The following BAHCC1 variants were observed in gnomAD, a reference collection of about 807,000 sequenced individuals.
BAHCC1 encodes BAH domain and coiled-coil containing 1, also known as BAH and coiled-coil domain-containing protein 1.
BAHCC1 carries 43 observed loss-of-function variants against 88.2 expected under a neutral mutation model. The observed-to-expected ratio is 0.49, with a 90% CI of 0.38 to 0.63. The LOEUF (loss-of-function observed/expected upper bound fraction) is 0.63, where lower values mean the gene tolerates loss of function less well. Among genes scored for constraint, BAHCC1 ranks in the 20% least tolerant of loss-of-function variants. The probability of loss-of-function intolerance (pLI) is 0.00; values close to 1 mark genes in which losing one functional copy is unlikely to be tolerated. For synonymous variants in BAHCC1, 1,510 were observed against 745.5 expected (o/e 2.03, Z -16.71); for missense variants, 3,023 against 1,654.8 (o/e 1.83, Z -14.34).
chr17:81,447,782 A>C lies in BAHCC1; in HGVS notation c.3910A>C (p.Ile1304Leu). 1 of 751,752 alleles carries C rather than the reference A, an allele frequency of 1.3e-6. No homozygotes were observed. The highest frequency in any genetic ancestry group is 1.4e-5 in the South Asian group (1 of 70,538). The allele number at this position is 751,752 out of a possible 1,614,324, so 46.6% of individuals were successfully genotyped here. The change falls in exon 11 of 28, where the codon ATC (isoleucine) becomes CTC (leucine). Residue 1304 changes from isoleucine to leucine, a missense_variant. Physicochemically the swap from Ile to Leu is conservative, Grantham distance 5. Coordinates refer to ENST00000675386, the MANE Select transcript of BAHCC1 (RefSeq NM_001377448.1). ...PLPHSSGIHG[I>L]ALLSELADLA... is the part of the protein sequence containing the mutation. ...GCCTCATAGCTCAGGGATTCATGGG[A>C]TCGCTCTGCTCAGCGAGCTGGCTGA...
rs373538453 is a variant in BAHCC1 at position 81,442,480 on chromosome 17, C to T, written c.1131C>T (p.Cys377=). The T allele has an allele frequency of 4.1e-4, 298 of 724,318 alleles. No individual in the cohort carries two copies. The African/African-American group carries it at 4.7e-3, about 11-fold the overall frequency. 44.9% of individuals were successfully genotyped at this position (724,318 alleles called of 1,614,324 possible). Residue 377 remains cysteine (C), a synonymous_variant, in exon 5 of 28, where the codon TGC becomes TGT. Transcript: ENST00000675386. ...LQLHGGPDGL[C]PLQDKAPRDL... ...TGCACGGGGGCCCTGACGGGCTCTG[C>T]CCGCTGCAGGACAAAGCCCCCCGGG... is the stretch of plus-strand genomic sequence containing the variant.
Position 81,464,286 on chromosome 17 carries a change from G to A in BAHCC1, c.*469G>A. The A allele has an allele frequency of 4.0e-6, 1 of 250,304 alleles. No individual in the cohort carries two copies. Among genetic ancestry groups the A allele is most frequent in the Non-Finnish European group, 7.9e-6 (1 of 126,318 alleles). The allele number at this position is 250,304 out of a possible 1,614,324, so 15.5% of individuals were successfully genotyped here. A position where few individuals can be genotyped will look rare whatever the true frequency, so the allele number is the denominator to read the frequency against. ...TCCCCATCCGCGTGACAAGGTGTGTGTGAGCGTGTATGTGTGTGCGCGTGT... is the reference window on the plus strand; with the variant it reads ...TCCCCATCCGCGTGACAAGGTGTGTATGAGCGTGTATGTGTGTGCGCGTGT... On this transcript the variant is annotated 3_prime_UTR_variant, in exon 28 of 28. Transcript: ENST00000675386.
At chr17:81,457,259 C>T (rs1298560109) in intron 16 of BAHCC1, 151 bp from the exon 17 acceptor site, 7 of 606,228 alleles carry the variant, frequency 1.2e-5, no homozygotes, top group African/African-American at 7.4e-5. Context: ...CACCTGCCCC[C>T]AAAGCAGCCC....
chr17:81,457,065 G>T (rs565995401), intron 16 of BAHCC1, among the ~76,000 whole-genome samples: 1 of 152,096 alleles, frequency 6.6e-6, no homozygotes, highest in African/African-American at 2.4e-5. Context: ...AGGGAGGGCC[G>T]CTTGGGGCTG....
chr17:81,436,319 C>G (rs1555651737), intron 3 of BAHCC1, among the ~76,000 whole-genome samples: 4 of 152,200 alleles, frequency 2.6e-5, no homozygotes, highest in African/African-American at 9.6e-5. Context: ...CCGCAGCTGC[C>G]CCCAGAGGGG....
At position 81,399,885 on chromosome 17, in the gene BAHCC1, T is replaced by C; in HGVS notation, c.146T>C (p.Phe49Ser). ...GCACACTTCCAGCCGGGAAAGTACT[T>C]CCCGTCGCCGTTGCCCATGGCTTCG... The part of the protein sequence containing the change: ...PPAHFQPGKY[F>S]PSPLPMASHT... Residue 49 changes from phenylalanine (F) to serine (S), a missense_variant, in exon 2 of 28, where the codon TTC becomes TCC. Phe to Ser is a radical substitution (Grantham distance 155). Transcript: ENST00000675386. This position sits in a 1 kb window ranked among gnomAD's most constrained non-coding sequence, Gnocchi z 4.5. 6.9e-7 allele frequency: 1 copy of C among 1,450,286 alleles called. No individual in the cohort carries two copies. The highest frequency in any genetic ancestry group is 9.1e-7 in the Non-Finnish European group (1 of 1,099,356). The allele number at this position is 1,450,286 out of a possible 1,614,324, so 89.8% of individuals were successfully genotyped here.
rs782448715 is a variant in BAHCC1 at position 81,399,287 on chromosome 17, C to T, written c.-206-247C>T. ...AGGCGGCGAGCAGTGCGGCTGGGTT[C>T]CCCCGGCTGCCCCGGGCCAAGCGTG... is the stretch of plus-strand genomic sequence containing the variant. On this transcript the variant is annotated intron_variant, in intron 1 of 27. Transcript: ENST00000675386. The surrounding 1 kb of genome is among the most constrained non-coding windows in gnomAD (Gnocchi z 4.5). 6 of 326,788 alleles carry T rather than the reference C, an allele frequency of 1.8e-5. No homozygotes were observed. The highest frequency in any genetic ancestry group is 1.2e-5 in the Non-Finnish European group (2 of 160,044). The allele number at this position is 326,788 out of a possible 1,614,324, so 20.2% of individuals were successfully genotyped here.
chr17:81,460,729 A>G (rs372053160), intron 25 of BAHCC1, 23 bp downstream of exon 25: 8 of 776,040 alleles, frequency 1.0e-5, no homozygotes, highest in Admixed American at 1.7e-5. Flanking sequence ...ACTTCCCAGA[A>G]TCCGGATCGG....
At chr17:81,433,296 G>A (rs928502256) in intron 3 of BAHCC1, among the ~76,000 whole-genome samples, 1 of 152,178 alleles carries the variant, frequency 6.6e-6, no homozygotes, top group South Asian at 2.1e-4. Context: ...CTGGGGTGAG[G>A]GGCCGTGTGT....
At chr17:81,401,210 G>T (rs1336101261) in intron 2 of BAHCC1, 2 of 152,568 alleles carry the variant, frequency 1.3e-5, no homozygotes, top group African/African-American at 4.8e-5. Context: ...AAACAAACTT[G>T]AAATTGCTTA....
In BAHCC1 at chr17:81,465,809, C is replaced by T. The variant is rs1396744377; in HGVS notation, c.*1992C>T. 1.3e-5 allele frequency: 2 copies of T among 152,390 alleles called. No homozygotes were observed. Among genetic ancestry groups the T allele is most frequent in the Non-Finnish European group, 2.9e-5 (2 of 68,034 alleles). The allele number at this position is 152,390 out of a possible 1,614,324, so 9.4% of individuals were successfully genotyped here. On this transcript the variant is annotated 3_prime_UTR_variant, in exon 28 of 28. Transcript: ENST00000675386. ...TCGGGGGTCCCCGCCTCCAGCCCCC[C>T]GCTCCCACCCCCGAGCCTACCCTTT...
rs539273071 is a variant in BAHCC1, at chr17:81,399,811, C to T, written c.72C>T (p.Ala24=). 1.9e-3 allele frequency: 2,540 copies of T among 1,314,362 alleles called. 43 individuals carry two copies. The African/African-American group carries it at 0.036, about 19-fold the overall frequency. 81.4% of individuals were successfully genotyped at this position (1,314,362 alleles called of 1,614,324 possible). The stretch of plus-strand genomic sequence containing the variant: ...GCGGGAGCCTGGGCCACCGCAGCGC[C>T]GCTGCCGCCGCGCGTCTCGCCCCGG... ...SERGSLGHRS[A]AAAARLAPAG... is the part of the protein sequence containing the mutation. The change falls in exon 2 of 28, where the codon GCC becomes GCT. Residue 24 remains alanine (A), a synonymous_variant. Coordinates refer to ENST00000675386, the MANE Select transcript of BAHCC1 (RefSeq NM_001377448.1). The surrounding 1 kb of genome is among the most constrained non-coding windows in gnomAD (Gnocchi z 4.5).
chr17:81,425,872 ATGTGG>A (rs1407355992), intron 2 of BAHCC1, among the ~76,000 whole-genome samples: 1 of 114,898 alleles, frequency 8.7e-6, no homozygotes, highest in Admixed American at 8.9e-5. Context: ...GTGGTGGGTG[ATGTGG>A]TTGGTGGTGA....
Position 81,413,493 on chromosome 17 carries a change from C to T in BAHCC1, c.179-13307C>T, listed in dbSNP as rs543943605. Among the ~76,000 whole-genome samples the T allele has an allele frequency of 6.8e-3, 1,035 of 152,298 alleles. 7 individuals are homozygous for T. The highest frequency in any genetic ancestry group is 0.012 in the Non-Finnish European group (845 of 68,000). On this transcript the variant is annotated intron_variant, in intron 2 of 27. Transcript: ENST00000675386. ...CGCCTCCACTCTGGGCTGTCCCCTC[C>T]GCAGCAGCGGGCCCCTGGATACCCG... is the stretch of plus-strand genomic sequence containing the variant.
At chr17:81,429,766 C>A (rs2064239312) in intron 3 of BAHCC1, among the ~76,000 whole-genome samples, 1 of 152,184 alleles carries the variant, frequency 6.6e-6, no homozygotes, top group Non-Finnish European at 1.5e-5. Flanking sequence ...CTCCCCAGCC[C>A]AGGGCTTTCG....
chr17:81,427,047 A>C, intron 3 of BAHCC1, 68 bp downstream of exon 3: 1 of 398,414 alleles, frequency 2.5e-6, no homozygotes, highest in Middle Eastern at 6.3e-4. Flanking sequence ...TGCCCGGGCC[A>C]GGGGCAGGTG....
chr17:81,400,141 G>C (rs1227951527), intron 2 of BAHCC1, among the ~76,000 whole-genome samples: 2 of 152,086 alleles, frequency 1.3e-5, no homozygotes, highest in African/African-American at 2.4e-5. Flanking sequence ...CGGGGGTCTC[G>C]GAGGGGCAGC....
In BAHCC1 at chr17:81,439,674, C is replaced by T. The variant is rs117559255; in HGVS notation, c.481+1182C>T. On this transcript the variant is annotated intron_variant, in intron 4 of 27. Coordinates refer to ENST00000675386, the MANE Select transcript of BAHCC1 (RefSeq NM_001377448.1). The stretch of plus-strand genomic sequence containing the variant: ...GCACAGCTCCTGGGAGCCCGGGAGC[C>T]CAGGAGCCCTGGCGTTTAGGGCTGG... Among the ~76,000 whole-genome samples the T allele has an allele frequency of 2.4e-4, 37 of 151,762 alleles. No individual in the cohort carries two copies. The East Asian group carries it at 7.1e-3, about 29-fold the overall frequency.
chr17:81,456,547 G>A lies in BAHCC1; in HGVS notation c.4820G>A (p.Cys1607Tyr), dbSNP rs1555657355. The change falls in exon 16 of 28, where the codon TGC becomes TAC. Residue 1607 changes from cysteine to tyrosine, a missense_variant. Transcript: ENST00000675386. ...KGHGSRETPR[C>Y]PAQPSVAASQ... ...CACGGCAGCCGGGAGACACCCAGGTGCCCAGCCCAGCCCTCCGTGGCTGCG... is the reference window on the plus strand; with the variant it reads ...CACGGCAGCCGGGAGACACCCAGGTACCCAGCCCAGCCCTCCGTGGCTGCG... 2.8e-6 allele frequency: 2 copies of A among 712,066 alleles called. No homozygotes were observed. Among genetic ancestry groups the A allele is most frequent in the Admixed American group, 2.1e-5 (1 of 48,638 alleles). The allele number at this position is 712,066 out of a possible 1,614,324, so 44.1% of individuals were successfully genotyped here. A position where few individuals can be genotyped will look rare whatever the true frequency, so the allele number is the denominator to read the frequency against.
Sources: allele counts gnomAD v4.1 joint callset (sites outside exome capture counted in the v4.1 genomes callset), GRCh38; gene constraint gnomAD v4.1.1; non-coding constraint Gnocchi (gnomAD v3.1); transcripts MANE v1.5; gene names NCBI Gene and HGNC (gene_info 2026-07-23, HGNC 2026-07-21).